RGS9: variants seen among roughly 807,000 people sequenced by gnomAD.
The protein encoded by RGS9 is regulator of G protein signaling 9.
RGS9 carries 78 observed loss-of-function variants against 102.0 expected under a neutral mutation model. The observed-to-expected ratio is 0.76, with a 90% CI of 0.64 to 0.92. The LOEUF (loss-of-function observed/expected upper bound fraction) is 0.92. Ranked by LOEUF, RGS9 falls within the 40% of genes least tolerant of loss-of-function variation. RGS9 has a pLI of 0.00. For synonymous variants in RGS9, 353 were observed against 318.6 expected (o/e 1.11, Z -1.15); for missense variants, 833 against 866.1 (o/e 0.96, Z 0.48).
rs113026923 is a variant in RGS9, at chr17:65,223,916, A to AT, written c.1408-1074dup. Among the ~76,000 whole-genome samples, 361 of 144,546 alleles carry AT rather than the reference A, an allele frequency of 2.5e-3. 1 individual carries two copies. The highest frequency in any genetic ancestry group is 8.4e-3 in the South Asian group (38 of 4,530). The allele number at this position is 144,546 out of a possible 152,430, so 94.8% of individuals were successfully genotyped here. ...CAGGCACCCACCACCACATCCAGCT[A>AT]TTTTTTTTTTTTGTATTTTTAGTAG... On this transcript the variant is annotated intron_variant, in intron 17 of 18. Transcript: ENST00000262406.
chr17:65,166,617 C>G (rs1419705589), intron 7 of RGS9, among the ~76,000 whole-genome samples: 1 of 152,206 alleles, frequency 6.6e-6, no homozygotes, highest in Admixed American at 6.5e-5. Context: ...TACTAACTCT[C>G]TTGCATTCCA....
In RGS9 at chr17:65,210,479, T is replaced by C; in HGVS notation, c.1290-9T>C. On this transcript the variant is annotated splice_polypyrimidine_tract_variant and intron_variant, in intron 16 of 18. Coordinates refer to ENST00000262406, the MANE Select transcript of RGS9 (RefSeq NM_003835.4). ...TTTCCTCCAACCACCAATCTGTCCTTCCTTCCAGCTCCACCCTCCCTTTTA... is the reference window on the plus strand; with the variant it reads ...TTTCCTCCAACCACCAATCTGTCCTCCCTTCCAGCTCCACCCTCCCTTTTA... The C allele has an allele frequency of 1.2e-6, 2 of 1,612,858 alleles. No individual in the cohort carries two copies. The highest frequency in any genetic ancestry group is 1.7e-6 in the Non-Finnish European group (2 of 1,179,902).
In RGS9 at chr17:65,168,182, TG is replaced by T; in HGVS notation, c.501-16del. 1 of 1,591,356 alleles carries T rather than the reference TG, an allele frequency of 6.3e-7. No homozygotes were observed. Among genetic ancestry groups the T allele is most frequent in the Non-Finnish European group, 8.6e-7 (1 of 1,164,228 alleles). Reference sequence around the variant, plus strand: ...CACAAAGTCTTCCTGGCCTTACACGTGGCTTTTGGCTTTCCAGGGCTGGAAA... The same window carrying T: ...CACAAAGTCTTCCTGGCCTTACACGTGCTTTTGGCTTTCCAGGGCTGGAAA... On this transcript the variant is annotated splice_polypyrimidine_tract_variant and intron_variant, in intron 7 of 18. Transcript: ENST00000262406.
At chr17:65,175,439 AT>A (rs1911590025) in intron 8 of RGS9, among the ~76,000 whole-genome samples, 1 of 152,104 alleles carries the variant, frequency 6.6e-6, no homozygotes, top group Non-Finnish European at 1.5e-5. Context: ...GTGAGGTTAG[AT>A]CCCATGGTGT....
At chr17:65,169,772 G>A (rs1427266203) in intron 8 of RGS9, among the ~76,000 whole-genome samples, 1 of 152,072 alleles carries the variant, frequency 6.6e-6, no homozygotes, top group African/African-American at 2.4e-5. Flanking sequence ...GCTCTTCACA[G>A]GATGATGCTG....
At chr17:65,155,522 GTTTT>G (rs1342812033) in intron 2 of RGS9, among the ~76,000 whole-genome samples, 1 of 152,084 alleles carries the variant, frequency 6.6e-6, no homozygotes, top group Non-Finnish European at 1.5e-5. Context: ...TTTCTCCATT[GTTTT>G]TGTTTGTTTG....
rs188252724 is a variant in RGS9, at chr17:65,152,601, C to T, written c.58-821C>T. On this transcript the variant is annotated intron_variant, in intron 1 of 18. Coordinates refer to ENST00000262406, the MANE Select transcript of RGS9 (RefSeq NM_003835.4). ...GCTGAGTGCAGTGGTGCGATCATAGCTCACTGTAGCCTGGAACTCCTGGGC... is the reference window on the plus strand; with the variant it reads ...GCTGAGTGCAGTGGTGCGATCATAGTTCACTGTAGCCTGGAACTCCTGGGC... 2.5e-3 allele frequency among the ~76,000 whole-genome samples: 380 copies of T among 152,290 alleles called. 3 individuals carry two copies. In the Middle Eastern group the frequency reaches 0.048, roughly 19 times the overall value.
intron 6 of RGS9, among the ~76,000 whole-genome samples, chr17:65,161,534 G>A (rs1160364242): frequency 1.3e-5 from 2 of 152,048 alleles, no homozygotes; most frequent in Non-Finnish European, 2.9e-5. Context: ...TTACAGGTGT[G>A]AGCCATCGTG....
At chr17:65,208,324 A>G (rs1437298220) in intron 16 of RGS9, among the ~76,000 whole-genome samples, 1 of 152,168 alleles carries the variant, frequency 6.6e-6, no homozygotes, top group African/African-American at 2.4e-5. Flanking sequence ...GCTACTCGTT[A>G]CCTCCAAACT....
At chr17:65,157,566 A>G (rs900536287) in intron 2 of RGS9, among the ~76,000 whole-genome samples, 2 of 151,344 alleles carry the variant, frequency 1.3e-5, no homozygotes, top group African/African-American at 4.9e-5. Flanking sequence ...TTTTCATGCC[A>G]TTTTTTCATG....
chr17:65,147,737 T>A (rs939228680), intron 1 of RGS9, among the ~76,000 whole-genome samples: 36 of 151,882 alleles, frequency 2.4e-4, no homozygotes, highest in African/African-American at 8.5e-4. Context: ...ATTACAAGCA[T>A]GCGCCATCAC....
intron 8 of RGS9, among the ~76,000 whole-genome samples, chr17:65,171,458 T>C (rs994516008): frequency 6.6e-6 from 1 of 152,200 alleles, no homozygotes; most frequent in Admixed American, 6.5e-5. Flanking sequence ...AGCCCGATAT[T>C]CTGCTTCTGT....
chr17:65,168,472 T>G (rs1019085339), intron 8 of RGS9, among the ~76,000 whole-genome samples, 191 bp downstream of exon 8: 2 of 151,622 alleles, frequency 1.3e-5, no homozygotes, highest in Admixed American at 6.6e-5. Flanking sequence ...CTGGATGGGG[T>G]CTGCTCATGG....
At chr17:65,213,531 G>GGTGGTGGTGAGT (rs1024582720) in intron 17 of RGS9, among the ~76,000 whole-genome samples, 2 of 151,324 alleles carry the variant, frequency 1.3e-5, no homozygotes, top group Admixed American at 1.3e-4. Flanking sequence ...TGTTGTTGAG[G>GGTGGTGGTGAGT]GTGGTGGTGA....
At chr17:65,152,197 C>T (rs781038743) in intron 1 of RGS9, among the ~76,000 whole-genome samples, 9 of 152,116 alleles carry the variant, frequency 5.9e-5, no homozygotes, top group East Asian at 1.9e-4. Context: ...TGGTCTCTTG[C>T]GAAGACTGGC....
At chr17:65,174,066 G>A (rs1911521008) in intron 8 of RGS9, among the ~76,000 whole-genome samples, 1 of 152,206 alleles carries the variant, frequency 6.6e-6, no homozygotes, top group African/African-American at 2.4e-5. Flanking sequence ...GGTTGGGGCT[G>A]GAACTGGACA....
In RGS9 at chr17:65,227,363, C is replaced by A. The variant is rs866158145; in HGVS notation, c.1981C>A (p.Arg661=). The A allele has an allele frequency of 6.2e-7, 1 of 1,614,094 alleles. No homozygotes were observed. Among genetic ancestry groups the A allele is most frequent in the South Asian group, 1.1e-5 (1 of 91,068 alleles). ...EDAGTGESGD[R]ATEKEVICPW... ...TGCTGGAACAGGAGAGTCGGGTGAC[C>A]GGGCCACAGAAAAGGAGGTCATCTG... Residue 661 remains arginine, a synonymous_variant, in exon 19 of 19, where the codon CGG becomes AGG. Coordinates refer to ENST00000262406, the MANE Select transcript of RGS9 (RefSeq NM_003835.4).
intron 8 of RGS9, among the ~76,000 whole-genome samples, chr17:65,172,835 A>G (rs1466718983): frequency 2.6e-5 from 4 of 152,212 alleles, no homozygotes; most frequent in African/African-American, 9.6e-5. Flanking sequence ...ATTCAAGCCA[A>G]GATCCTCTAG....
chr17:65,196,464 T>C (rs1912589440), intron 12 of RGS9, among the ~76,000 whole-genome samples: 1 of 152,238 alleles, frequency 6.6e-6, no homozygotes, highest in Non-Finnish European at 1.5e-5. Context: ...TTTCTGATTC[T>C]CTGGAATGTT....
Sources: gnomAD v4.1 joint callset for allele counts (sites outside exome capture counted in the v4.1 genomes callset) on GRCh38, gnomAD v4.1.1 for gene constraint, MANE v1.5 for transcripts, NCBI Gene and HGNC (gene_info 2026-07-23, HGNC 2026-07-21) for gene names.